The following PTPN21 variants were observed in gnomAD, a reference collection of about 807,000 sequenced individuals.
The protein encoded by PTPN21 is tyrosine-protein phosphatase non-receptor type 21.
A neutral mutation model predicts 131.8 loss-of-function variants in PTPN21; 77 were observed. That is an observed-to-expected ratio of 0.58 (90% confidence interval 0.49 to 0.71). The LOEUF (loss-of-function observed/expected upper bound fraction) is 0.71, where lower values mean the gene tolerates loss of function less well. Ranked by LOEUF, PTPN21 falls within the 30% of genes least tolerant of loss-of-function variation. PTPN21 has a pLI of 0.00. For missense variants in PTPN21, 1,552 were observed against 1,527.1 expected (o/e 1.02, Z -0.27); for synonymous variants, 715 against 621.3 (o/e 1.15, Z -2.24).
rs548825670 is a variant in PTPN21 at position 88,468,783 on chromosome 14, G to A, written c.3396+133C>T. On this transcript the variant is annotated intron_variant, in intron 18 of 18. Transcript: ENST00000556564. ...CCAAGAAGACACAGCCTTTTGCAGGGAACATTAGTAACATCTTGAGGCCAC... is the reference window on the plus strand; with the variant it reads ...CCAAGAAGACACAGCCTTTTGCAGGAAACATTAGTAACATCTTGAGGCCAC... 87 of 1,067,676 alleles carry A rather than the reference G, an allele frequency of 8.1e-5. No homozygotes were observed. In the Middle Eastern group the frequency reaches 9.2e-4, roughly 11 times the overall value. 66.1% of individuals were successfully genotyped at this position (1,067,676 alleles called of 1,614,324 possible).
chr14:88,484,982 G>C, intron 12 of PTPN21, 94 bp downstream of exon 12: 1 of 1,072,522 alleles, frequency 9.3e-7, no homozygotes, highest in Non-Finnish European at 1.4e-6. Context: ...TGCAACTTCA[G>C]CCAAAAACTG....
At chr14:88,488,760 G>A (rs931411480) in intron 10 of PTPN21, among the ~76,000 whole-genome samples, 3 of 152,144 alleles carry the variant, frequency 2.0e-5, no homozygotes, top group African/African-American at 7.2e-5. Context: ...CATGGCTGTA[G>A]TGCACTACGA....
intron 12 of PTPN21, 34 bp from the exon 13 acceptor site, chr14:88,480,386 A>T (rs2077636218): frequency 3.4e-6 from 5 of 1,491,794 alleles, no homozygotes; most frequent in Non-Finnish European, 3.7e-6. Context: ...AGATTTTTTT[A>T]AATGGACTAA....
chr14:88,527,080 A>G (rs953540688), intron 2 of PTPN21, among the ~76,000 whole-genome samples: 1 of 152,170 alleles, frequency 6.6e-6, no homozygotes, highest in African/African-American at 2.4e-5. Flanking sequence ...GGCTGGTTCC[A>G]TATTTTTGCA....
rs756224261 is a variant in PTPN21 at position 88,468,205 on chromosome 14, T to A, written c.3457A>T (p.Thr1153Ser). The change falls in exon 19 of 19, where the codon ACT becomes TCT. Residue 1153 changes from threonine (T) to serine (S), a missense_variant. By Grantham distance (58) the Thr-to-Ser change is moderately conservative. Transcript: ENST00000556564. ...TACACAAATGTGTACTGGCAGAGAG[T>A]CTGCACCAGCATCATTCTCTGTTGC... Reference protein sequence around the residue: ...LRQQRMMLVQTLCQYTFVYRV... With the variant: ...LRQQRMMLVQSLCQYTFVYRV... The A allele has an allele frequency of 1.2e-6, 2 of 1,611,528 alleles. No individual in the cohort carries two copies. Among genetic ancestry groups the A allele is most frequent in the African/African-American group, 2.7e-5 (2 of 74,698 alleles).
intron 2 of PTPN21, among the ~76,000 whole-genome samples, chr14:88,531,968 T>G (rs951804886): frequency 1.3e-5 from 2 of 152,194 alleles, no homozygotes; most frequent in African/African-American, 2.4e-5. Flanking sequence ...AAGTCTACTA[T>G]GAACGCCTTT....
chr14:88,518,384 GTGTATATA>G (rs1166288142), intron 2 of PTPN21, among the ~76,000 whole-genome samples: 361 of 13,322 alleles, frequency 0.027, 16 homozygotes, highest in South Asian at 0.055. Context: ...ATGTGTGTGT[GTGTATATA>G]TATATATATA....
chr14:88,529,473 C>T (rs1463629638), intron 2 of PTPN21, among the ~76,000 whole-genome samples: 1 of 151,770 alleles, frequency 6.6e-6, no homozygotes, highest in Admixed American at 6.6e-5. Flanking sequence ...TGTTAAATGA[C>T]CAAACATAAG....
At chr14:88,507,805 TAATA>T (rs1476448594) in intron 4 of PTPN21, 114 bp downstream of exon 4, 1 of 528,436 alleles carries the variant, frequency 1.9e-6, no homozygotes, top group Non-Finnish European at 3.1e-6. Flanking sequence ...AATATTTCAC[TAATA>T]TATAAACACT....
chr14:88,552,009 T>C (rs1211315563), intron 1 of PTPN21: 1 of 152,306 alleles, frequency 6.6e-6, no homozygotes. Context: ...AGATTGCCTG[T>C]TGGGGATGAA....
At position 88,550,630 on chromosome 14, in the gene PTPN21, A is replaced by G; in HGVS notation, c.-202-11T>C. 1 of 499,426 alleles carries G rather than the reference A, an allele frequency of 2.0e-6. No individual in the cohort carries two copies. The highest frequency in any genetic ancestry group is 3.5e-6 in the Non-Finnish European group (1 of 284,140). The allele number at this position is 499,426 out of a possible 1,614,324, so 30.9% of individuals were successfully genotyped here. A position where few individuals can be genotyped will look rare whatever the true frequency, so the allele number is the denominator to read the frequency against. ...GCATTGACGCCAGCGCTGGGGAAAG[A>G]GGAACGCCGTTAGTTAAGCAAACGT... is the stretch of plus-strand genomic sequence containing the variant. On this transcript the variant is annotated splice_polypyrimidine_tract_variant and intron_variant, in intron 1 of 18. Transcript: ENST00000556564.
intron 2 of PTPN21, among the ~76,000 whole-genome samples, chr14:88,522,449 AAAG>A (rs1286766965): frequency 2.0e-5 from 3 of 151,440 alleles, no homozygotes; most frequent in Non-Finnish European, 4.4e-5. Flanking sequence ...AAAAAGAAAA[AAAG>A]AAAGGTGGGC....
chr14:88,484,034 TA>T (rs2077693322), intron 12 of PTPN21, among the ~76,000 whole-genome samples: 1 of 148,154 alleles, frequency 6.7e-6, no homozygotes, highest in African/African-American at 2.5e-5. Flanking sequence ...CTTAAACTAT[TA>T]GATTCTAAGG....
At chr14:88,523,002 T>G (rs2078419648) in intron 2 of PTPN21, among the ~76,000 whole-genome samples, 1 of 151,736 alleles carries the variant, frequency 6.6e-6, no homozygotes, top group Non-Finnish European at 1.5e-5. Flanking sequence ...AATAATTAAC[T>G]TTCCAAAATA....
chr14:88,466,370 T>G lies in PTPN21; in HGVS notation c.*1767A>C, dbSNP rs1384269180. 1 of 152,118 alleles carries G rather than the reference T, an allele frequency of 6.6e-6. No homozygotes were observed. The highest frequency in any genetic ancestry group is 1.5e-5 in the Non-Finnish European group (1 of 68,016). The allele number at this position is 152,118 out of a possible 1,614,324, so 9.4% of individuals were successfully genotyped here. ...TCTTCTGAGTTTTCCTCTTAGGTGG[T>G]TGGTTTCTGGGTAAGGCAGAGTTAG... On this transcript the variant is annotated 3_prime_UTR_variant, in exon 19 of 19. Transcript: ENST00000556564.
chr14:88,477,303 C>T (rs2140093178), intron 13 of PTPN21, among the ~76,000 whole-genome samples: 1 of 151,916 alleles, frequency 6.6e-6, no homozygotes, highest in African/African-American at 2.4e-5. Flanking sequence ...TGTGGTGGCT[C>T]ACACCTGTAA....
intron 2 of PTPN21, among the ~76,000 whole-genome samples, chr14:88,534,859 AGAGT>A (rs891072197): frequency 6.6e-6 from 1 of 152,180 alleles, no homozygotes; most frequent in Non-Finnish European, 1.5e-5. Context: ...CCTGGGCAAC[AGAGT>A]GAGACTCTGT....
chr14:88,541,897 G>A (rs111252806), intron 2 of PTPN21, among the ~76,000 whole-genome samples: 1,932 of 152,288 alleles, frequency 0.013, 30 homozygotes, highest in African/African-American at 0.042. Context: ...GTGACAAGGG[G>A]AGAAAAAGGG....
chr14:88,484,984 CA>C, intron 12 of PTPN21, 91 bp downstream of exon 12: 2 of 1,125,342 alleles, frequency 1.8e-6, no homozygotes, highest in Non-Finnish European at 2.7e-6. Context: ...CAACTTCAGC[CA>C]AAAACTGTCC....
Sources: allele counts gnomAD v4.1 joint callset (sites outside exome capture counted in the v4.1 genomes callset), GRCh38; gene constraint gnomAD v4.1.1; transcripts MANE v1.5; gene names NCBI Gene and HGNC (gene_info 2026-07-23, HGNC 2026-07-21).